MAN2B1: variants seen among roughly 807,000 people sequenced by gnomAD.
MAN2B1 encodes lysosomal alpha-mannosidase.
A neutral mutation model predicts 127.5 loss-of-function variants in MAN2B1; 99 were observed. The ratio of observed to expected loss-of-function variants is 0.78; its 90% CI spans 0.66 to 0.92. The LOEUF is 0.92. Ranked by LOEUF, MAN2B1 falls within the 40% of genes least tolerant of loss-of-function variation. MAN2B1 has a pLI of 0.00. For missense variants in MAN2B1, 1,304 were observed against 1,384.8 expected (o/e 0.94, Z 0.93); for synonymous variants, 573 against 568.8 (o/e 1.01, Z -0.11).
At chr19:12,663,493 C>T (rs1169472734) in intron 5 of MAN2B1, 31 bp from the exon 6 acceptor site, 3 of 1,611,680 alleles carry the variant, frequency 1.9e-6, no homozygotes, top group Non-Finnish European at 1.7e-6. Flanking sequence ...AAGGGGTGGC[C>T]CATCACCCAG....
chr19:12,665,053 T>A, intron 3 of MAN2B1, 68 bp from the exon 4 acceptor site: 1 of 1,426,316 alleles, frequency 7.0e-7, no homozygotes, highest in Non-Finnish European at 9.8e-7. Flanking sequence ...TGGGTGATAC[T>A]GGGAATGTGA....
Position 12,665,549 on chromosome 19 carries a change from C to G in MAN2B1, c.263-24G>C, listed in dbSNP as rs201526614. The stretch of plus-strand genomic sequence containing the variant: ...GACTGTGGATAACAGGGATAAGGCT[C>G]TCAGGGAACAGCAGAGCCAAGGGGG... On this transcript the variant is annotated intron_variant, in intron 2 of 23. Coordinates refer to ENST00000456935, the MANE Select transcript of MAN2B1 (RefSeq NM_000528.4). The G allele has an allele frequency of 2.5e-6, 4 of 1,613,942 alleles. No individual in the cohort carries two copies. The East Asian group carries it at 8.9e-5, about 36-fold the overall frequency.
In MAN2B1 at chr19:12,652,246, G is replaced by A. The variant is rs547133035; in HGVS notation, c.1953C>T (p.Asn651=). The part of the protein sequence containing the change: ...FFWYNASIGD[N]ESDQASGAYI... Reference sequence around the variant, plus strand: ...AGGCACCTGAGGCCTGGTCACTTTCGTTGTCACCTATACTGGCGTTGTACC... The same window carrying A: ...AGGCACCTGAGGCCTGGTCACTTTCATTGTCACCTATACTGGCGTTGTACC... Residue 651 remains asparagine (N), a synonymous_variant, in exon 16 of 24, where the codon AAC becomes AAT. Coordinates refer to ENST00000456935, the MANE Select transcript of MAN2B1 (RefSeq NM_000528.4). 4.3e-5 allele frequency: 69 copies of A among 1,614,098 alleles called. No homozygotes were observed. Among genetic ancestry groups the A allele is most frequent in the South Asian group, 8.8e-5 (8 of 91,084 alleles).
At position 12,652,363 on chromosome 19, in the gene MAN2B1, CAGA is replaced by C. The variant is rs779241409; in HGVS notation, c.1925_1927del (p.Phe642del). On this transcript the variant is annotated inframe_deletion and splice_region_variant, in exon 15 of 24. Transcript: ENST00000456935. ...CTCAGGCCTGGTGATCTTCCCTTAC[CAGA>C]AGAAGGTCTGGCGAACAGGCAGCAG... The C allele has an allele frequency of 6.2e-7, 1 of 1,613,862 alleles. No homozygotes were observed. Among genetic ancestry groups the C allele is most frequent in the Non-Finnish European group, 8.5e-7 (1 of 1,179,848 alleles).
Position 12,663,416 on chromosome 19 carries a change from A to G in MAN2B1, c.810T>C (p.Asp270=), listed in dbSNP as rs2145281612. Residue 270 remains aspartate, a synonymous_variant, in exon 6 of 24, where the codon GAT becomes GAC. Transcript: ENST00000456935. Reference sequence around the variant, plus strand: ...CCAGCGGCTGATCGACACACAGCACATCCCAGCACAGATTCCTTGGCGGGT... The same window carrying G: ...CCAGCGGCTGATCGACACACAGCACGTCCCAGCACAGATTCCTTGGCGGGT... ...GYNPPRNLCW[D]VLCVDQPLVE... is the part of the protein sequence containing the mutation. The G allele has an allele frequency of 1.9e-6, 3 of 1,614,090 alleles. No homozygotes were observed. Among genetic ancestry groups the G allele is most frequent in the South Asian group, 1.1e-5 (1 of 91,080 alleles).
chr19:12,660,519 T>G (rs1229200741), intron 7 of MAN2B1, among the ~76,000 whole-genome samples: 2 of 151,624 alleles, frequency 1.3e-5, no homozygotes, highest in Non-Finnish European at 2.9e-5. Flanking sequence ...ATAAATAAAA[T>G]GTGGAAGAGA....
rs772778684 is a variant in MAN2B1, at chr19:12,648,406, G to C, written c.2437-4C>G. On this transcript the variant is annotated splice_polypyrimidine_tract_variant and splice_region_variant and intron_variant, in intron 20 of 23. Transcript: ENST00000456935. ...CCTTCAGCAGCCTTCGGTGCACCTGGGGGGAGAGTGGCCAGGAGGGGGTGA... is the reference window on the plus strand; with the variant it reads ...CCTTCAGCAGCCTTCGGTGCACCTGCGGGGAGAGTGGCCAGGAGGGGGTGA... 3.7e-6 allele frequency: 6 copies of C among 1,608,308 alleles called. No individual in the cohort carries two copies. In the Admixed American group the frequency reaches 8.3e-5, roughly 22 times the overall value.
intron 14 of MAN2B1, 100 bp from the exon 15 acceptor site, chr19:12,652,560 C>G: frequency 1.3e-6 from 1 of 798,310 alleles, no homozygotes; most frequent in Non-Finnish European, 2.0e-6. Context: ...GAGACTGAGT[C>G]TCACTCTGTA....
rs1004058684 is a variant in MAN2B1 at position 12,647,390 on chromosome 19, T to A, written c.2820+53A>T. ...TTGGGGCAAAGCCAGGTTTCTCTTC[T>A]CTCCCTCTCTCTTGCCTCTCTCCGA... On this transcript the variant is annotated intron_variant, in intron 22 of 23. Transcript: ENST00000456935. The surrounding 1 kb of genome is among the most constrained non-coding windows in gnomAD (Gnocchi z 4.9). 10 of 1,612,180 alleles carry A rather than the reference T, an allele frequency of 6.2e-6. No homozygotes were observed. In the African/African-American group the frequency reaches 1.2e-4, roughly 19 times the overall value.
intron 6 of MAN2B1, 77 bp from the exon 7 acceptor site, chr19:12,661,453 G>A: frequency 2.1e-6 from 2 of 957,422 alleles, no homozygotes; most frequent in Non-Finnish European, 3.4e-6. Flanking sequence ...GATGTATATG[G>A]GGTCAAGGAT....
At chr19:12,648,885 C>T (rs1158810284) in intron 20 of MAN2B1, among the ~76,000 whole-genome samples, 1 of 152,170 alleles carries the variant, frequency 6.6e-6, no homozygotes, top group Non-Finnish European at 1.5e-5. Context: ...AGCCCAGCTA[C>T]TCGGAAGGCT....
chr19:12,662,093 T>G (rs2024121664), intron 6 of MAN2B1, among the ~76,000 whole-genome samples: 2 of 151,976 alleles, frequency 1.3e-5, no homozygotes. Flanking sequence ...GATCTGCCCA[T>G]CTCGGCCTCT....
At chr19:12,649,303 C>G (rs1450410058) in intron 19 of MAN2B1, 38 bp downstream of exon 19, 1 of 1,602,272 alleles carries the variant, frequency 6.2e-7, no homozygotes, top group East Asian at 2.2e-5. Flanking sequence ...GATTCCCTTT[C>G]TATCGAGGTG....
At chr19:12,664,761 A>G in intron 4 of MAN2B1, 31 bp downstream of exon 4, 4 of 1,602,606 alleles carry the variant, frequency 2.5e-6, no homozygotes, top group Middle Eastern at 1.7e-4. Flanking sequence ...GTGAGTGAAG[A>G]AGTGGGCCCA....
intron 4 of MAN2B1, 23 bp downstream of exon 4, chr19:12,664,769 C>T: frequency 6.2e-7 from 1 of 1,606,840 alleles, no homozygotes; most frequent in Non-Finnish European, 8.5e-7. Flanking sequence ...AGAAGTGGGC[C>T]CAAGAGAGGT....
chr19:12,661,948 G>A (rs748766849), intron 6 of MAN2B1, among the ~76,000 whole-genome samples: 9 of 152,024 alleles, frequency 5.9e-5, no homozygotes, highest in Admixed American at 2.6e-4. Context: ...AGGTTCAAGC[G>A]ACTCTCTTGC....
chr19:12,650,078 C>T (rs373800486), intron 17 of MAN2B1, 26 bp downstream of exon 17: 1 of 1,611,646 alleles, frequency 6.2e-7, no homozygotes, highest in East Asian at 2.2e-5. Flanking sequence ...TGCTTCCACA[C>T]CCCTCTCCCA....
At chr19:12,654,566 C>G (rs777150991) in intron 14 of MAN2B1, among the ~76,000 whole-genome samples, 13 of 152,192 alleles carry the variant, frequency 8.5e-5, no homozygotes, top group Non-Finnish European at 1.9e-4. Flanking sequence ...CCAGAACTCA[C>G]AAGACTTTTA....
chr19:12,663,671 A>C (rs2024161832), intron 5 of MAN2B1, 32 bp downstream of exon 5: 2 of 1,590,280 alleles, frequency 1.3e-6, no homozygotes, highest in Non-Finnish European at 1.7e-6. Flanking sequence ...GTGTGGCACC[A>C]TGGCTGGCCC....
Sources: allele counts gnomAD v4.1 joint callset (sites outside exome capture counted in the v4.1 genomes callset), GRCh38; gene constraint gnomAD v4.1.1; non-coding constraint Gnocchi (gnomAD v3.1); transcripts MANE v1.5; gene names NCBI Gene and HGNC (gene_info 2026-07-23, HGNC 2026-07-21).